The following EFS variants were observed in gnomAD, a reference collection of about 807,000 sequenced individuals.
EFS encodes the protein Cas scaffolding protein family member 3.
Under a neutral mutation model 42.2 loss-of-function variants are expected in EFS, and 34 were observed. That is an observed-to-expected ratio of 0.81 (90% CI 0.61 to 1.07). The LOEUF (loss-of-function observed/expected upper bound fraction) is 1.07, where lower values mean the gene tolerates loss of function less well. Among genes scored for constraint, EFS ranks in the 50% least tolerant of loss-of-function variants. The pLI, the probability that EFS is intolerant of heterozygous loss-of-function variation, is 0.00. For synonymous variants in EFS, 299 were observed against 320.7 expected (o/e 0.93, Z 0.72); for missense variants, 717 against 729.4 (o/e 0.98, Z 0.20).
chr14:23,359,539 A>G lies in EFS; in HGVS notation c.939T>C (p.Pro313=). The part of the protein sequence containing the change: ...SRRPLPALPV[P]EAPSPSPVPS... ...GCACTGGGGAGGGGCTGGGGGCCTC[A>G]GGGACAGGCAGGGCAGGCAGAGGGC... The change falls in exon 4 of 6, where the codon CCT becomes CCC. Residue 313 remains proline, a synonymous_variant. Coordinates refer to ENST00000216733, the MANE Select transcript of EFS (RefSeq NM_005864.4). 6.9e-7 allele frequency: 1 copy of G among 1,443,988 alleles called. No homozygotes were observed. Among genetic ancestry groups the G allele is most frequent in the African/African-American group, 1.6e-5 (1 of 64,396 alleles). 89.4% of individuals were successfully genotyped at this position (1,443,988 alleles called of 1,614,324 possible). A position where few individuals can be genotyped will look rare whatever the true frequency, so the allele number is the denominator to read the frequency against.
rs117880380 is a variant in EFS, at chr14:23,357,063, G to T, written c.*163C>A. On this transcript the variant is annotated 3_prime_UTR_variant, in exon 6 of 6. Coordinates refer to ENST00000216733, the MANE Select transcript of EFS (RefSeq NM_005864.4). Reference sequence around the variant, plus strand: ...GCTTGTACAAAAAGCTGTAGGTTAGGGGGAGAAGACACCTCTGTGAGAGGT... The same window carrying T: ...GCTTGTACAAAAAGCTGTAGGTTAGTGGGAGAAGACACCTCTGTGAGAGGT... The T allele has an allele frequency of 1.0e-3, 548 of 531,702 alleles. 1 individual carries two copies. The highest frequency in any genetic ancestry group is 1.5e-3 in the Non-Finnish European group (470 of 322,554). The allele number at this position is 531,702 out of a possible 1,614,324, so 32.9% of individuals were successfully genotyped here.
rs1890057878 is a variant in EFS at position 23,359,659 on chromosome 14, G to A, written c.819C>T (p.Ala273=). Residue 273 remains alanine, a synonymous_variant, in exon 4 of 6, where the codon GCC becomes GCT. Coordinates refer to ENST00000216733, the MANE Select transcript of EFS (RefSeq NM_005864.4). ...PPSPEPPGAL[A]SHDQDTLAQL... ...GGGCCAGGGTGTCCTGGTCATGGGA[G>A]GCCAAGGCTCCAGGGGGCTCTGGAG... The A allele has an allele frequency of 1.3e-6, 2 of 1,508,830 alleles. No individual in the cohort carries two copies. The highest frequency in any genetic ancestry group is 1.4e-5 in the African/African-American group (1 of 70,980). 93.5% of individuals were successfully genotyped at this position (1,508,830 alleles called of 1,614,324 possible). A position where few individuals can be genotyped will look rare whatever the true frequency, so the allele number is the denominator to read the frequency against.
rs531795019 is a variant in EFS, at chr14:23,358,079, T to C, written c.1252-419A>G. ...TTATAATTTCAACATATAATCAACA[T>C]GAAAATTATTGAGATTTTTCCCATA... On this transcript the variant is annotated intron_variant, in intron 5 of 5. Coordinates refer to ENST00000216733, the MANE Select transcript of EFS (RefSeq NM_005864.4). Among the ~76,000 whole-genome samples, 11 of 152,326 alleles carry C rather than the reference T, an allele frequency of 7.2e-5. No individual in the cohort carries two copies. In the East Asian group the frequency reaches 2.1e-3, roughly 29 times the overall value.
chr14:23,362,129 C>A (rs552623264), intron 1 of EFS, among the ~76,000 whole-genome samples: 2 of 152,250 alleles, frequency 1.3e-5, no homozygotes, highest in Non-Finnish European at 2.9e-5. Flanking sequence ...TATAACCCTT[C>A]GCAGTGCTCT....
Position 23,356,469 on chromosome 14 carries a change from C to T in EFS, c.*757G>A, listed in dbSNP as rs1487777695. Reference sequence around the variant, plus strand: ...ATTTGTGTATCCCACTAGAACAATACATTCACAATATACTTGCAGAACTGT... The same window carrying T: ...ATTTGTGTATCCCACTAGAACAATATATTCACAATATACTTGCAGAACTGT... On this transcript the variant is annotated 3_prime_UTR_variant, in exon 6 of 6. Coordinates refer to ENST00000216733, the MANE Select transcript of EFS (RefSeq NM_005864.4). 1.3e-5 allele frequency: 2 copies of T among 152,212 alleles called. No homozygotes were observed. Among genetic ancestry groups the T allele is most frequent in the Non-Finnish European group, 1.5e-5 (1 of 68,044 alleles). The allele number at this position is 152,212 out of a possible 1,614,324, so 9.4% of individuals were successfully genotyped here.
intron 4 of EFS, 137 bp from the exon 5 acceptor site, chr14:23,359,102 C>A: frequency 5.4e-6 from 6 of 1,113,152 alleles, no homozygotes; most frequent in Non-Finnish European, 7.7e-6. Flanking sequence ...TCCCTTGACT[C>A]CAGAGAGCTC....
At chr14:23,361,953 T>C (rs953872297) in intron 1 of EFS, among the ~76,000 whole-genome samples, 3 of 152,256 alleles carry the variant, frequency 2.0e-5, no homozygotes, top group African/African-American at 4.8e-5. Flanking sequence ...CTAAGCTGCT[T>C]GATCCCAGAG....
chr14:23,362,712 G>A (rs1890192537), intron 1 of EFS, among the ~76,000 whole-genome samples: 1 of 152,186 alleles, frequency 6.6e-6, no homozygotes. Flanking sequence ...ACCTGGGCTT[G>A]AGTCTTGGCT....
At chr14:23,364,781 A>G (rs1890264827) in intron 1 of EFS, among the ~76,000 whole-genome samples, 2 of 151,842 alleles carry the variant, frequency 1.3e-5, no homozygotes, top group Admixed American at 1.3e-4. Flanking sequence ...AAGAAAAAGG[A>G]GAATGGGGAG....
rs1300049000 is a variant in EFS, at chr14:23,356,518, G to C, written c.*708C>G. The C allele has an allele frequency of 6.6e-6, 1 of 152,214 alleles. No individual in the cohort carries two copies. The highest frequency in any genetic ancestry group is 1.9e-4 in the East Asian group (1 of 5,202). 9.4% of individuals were successfully genotyped at this position (152,214 alleles called of 1,614,324 possible). The stretch of plus-strand genomic sequence containing the variant: ...GTGCCTGGCGCGTCATGGGAGCAGA[G>C]AACTTGTCCAGTGAATAGTTGTTGA... On this transcript the variant is annotated 3_prime_UTR_variant, in exon 6 of 6. Transcript: ENST00000216733.
Position 23,357,512 on chromosome 14 carries a change from G to A in EFS, c.1400C>T (p.Pro467Leu), listed in dbSNP as rs747887708. 33 of 1,613,800 alleles carry A rather than the reference G, an allele frequency of 2.0e-5. No homozygotes were observed. Among genetic ancestry groups the A allele is most frequent in the Admixed American group, 1.7e-4 (10 of 60,000 alleles). ...LMSSTQANQP[P>L]RLFVPHSKRV... ...CTTGCTGTGGGGCACGAAAAGGCGC[G>A]GGGGCTGATTAGCCTGGGTACTGGA... The change falls in exon 6 of 6, where the codon CCG (proline) becomes CTG (leucine). Residue 467 changes from proline to leucine, a missense_variant. Physicochemically the swap from Pro to Leu is moderately conservative, Grantham distance 98 (BLOSUM62 -3). Coordinates refer to ENST00000216733, the MANE Select transcript of EFS (RefSeq NM_005864.4).
chr14:23,358,907 T>A lies in EFS; in HGVS notation c.1220A>T (p.Glu407Val). ...CGCCGGCATCCCCCTCTCGGGCAGT[T>A]CAGGATCCCCTGTGCAGGCCTGATC... ...PPDQACTGDP[E>V]LPERGMPAPQ... is the part of the protein sequence containing the mutation. The change falls in exon 5 of 6, where the codon GAA becomes GTA. Residue 407 changes from glutamate (E) to valine (V), a missense_variant. By Grantham distance (121) the Glu-to-Val change is moderately radical. Coordinates refer to ENST00000216733, the MANE Select transcript of EFS (RefSeq NM_005864.4). The A allele has an allele frequency of 6.2e-7, 1 of 1,613,230 alleles. No homozygotes were observed.
intron 5 of EFS, 141 bp downstream of exon 5, chr14:23,358,735 C>T (rs922780133): frequency 2.4e-5 from 16 of 671,472 alleles, no homozygotes; most frequent in Middle Eastern, 2.6e-4. Context: ...TCTAACTTGC[C>T]TCCGCTCTGT....
chr14:23,360,482 A>T, intron 2 of EFS, 73 bp downstream of exon 2: 2 of 1,509,552 alleles, frequency 1.3e-6, no homozygotes, highest in Admixed American at 4.5e-5. Context: ...CACCTGCTGC[A>T]GGCCCTGGGT....
intron 1 of EFS, among the ~76,000 whole-genome samples, chr14:23,361,185 G>A (rs763152381): frequency 2.0e-4 from 31 of 152,126 alleles, no homozygotes; most frequent in Non-Finnish European, 2.5e-4. Flanking sequence ...TAAACCCTAT[G>A]AACATAGGAA....
At chr14:23,361,968 C>T (rs2284652) in intron 1 of EFS, among the ~76,000 whole-genome samples, 66,695 of 152,094 alleles carry the variant, frequency 0.44, 18,484 homozygotes, top group African/African-American at 0.8. Flanking sequence ...CCAGAGCCTG[C>T]GCTCTCAATC....
At chr14:23,359,052 C>A in intron 4 of EFS, 87 bp from the exon 5 acceptor site, 1 of 1,293,030 alleles carries the variant, frequency 7.7e-7, no homozygotes. Flanking sequence ...CCCCGGACCC[C>A]CTTCCTTCCG....
At chr14:23,363,861 G>A (rs1273979016) in intron 1 of EFS, among the ~76,000 whole-genome samples, 1 of 151,884 alleles carries the variant, frequency 6.6e-6, no homozygotes, top group Non-Finnish European at 1.5e-5. Context: ...CTGAGCCCAG[G>A]AGGTCGAGGC....
rs1244900401 is a variant in EFS, at chr14:23,360,578, C to T, written c.274G>A (p.Asp92Asn). ...AQPGSPYPAP[D>N]HSNEDQEVYV... ...ACCTCCTGGTCCTCATTGCTGTGAT[C>T]TGGGGCTGGATATGGTGAGCCAGGC... The change falls in exon 2 of 6, where the codon GAT becomes AAT. Residue 92 changes from aspartate (D) to asparagine (N), a missense_variant. Coordinates refer to ENST00000216733, the MANE Select transcript of EFS (RefSeq NM_005864.4). 2 of 1,561,780 alleles carry T rather than the reference C, an allele frequency of 1.3e-6. No individual in the cohort carries two copies. The highest frequency in any genetic ancestry group is 1.8e-5 in the Admixed American group (1 of 54,344).
Sources: gnomAD v4.1 joint callset for allele counts (sites outside exome capture counted in the v4.1 genomes callset) on GRCh38, gnomAD v4.1.1 for gene constraint, MANE v1.5 for transcripts, NCBI Gene and HGNC (gene_info 2026-07-23, HGNC 2026-07-21) for gene names.